TMPRSS7: variants seen among roughly 807,000 people sequenced by gnomAD.
TMPRSS7 encodes transmembrane protease serine 7.
TMPRSS7 carries 81 observed loss-of-function variants against 95.6 expected under a neutral mutation model. The observed-to-expected ratio is 0.85, with a 90% CI of 0.71 to 1.02. The LOEUF is 1.02. Ranked by LOEUF, TMPRSS7 falls within the 50% of genes least tolerant of loss-of-function variation. The pLI is 0.00. For synonymous variants in TMPRSS7, 364 were observed against 337.8 expected (o/e 1.08, Z -0.85); for missense variants, 945 against 955.2 (o/e 0.99, Z 0.14).
At chr3:112,076,997 T>C (rs766215451) in exon 16 of TMPRSS7, 1 of 1,614,210 alleles carries the variant, frequency 6.2e-7, no homozygotes, top group African/African-American at 1.3e-5. Context: ...GACTTTTGAT[T>C]ATGATATTGC....
intron 7 of TMPRSS7, among the ~76,000 whole-genome samples, chr3:112,049,335 T>C (rs1576102938): frequency 6.6e-6 from 1 of 152,226 alleles, no homozygotes; most frequent in East Asian, 1.9e-4. Flanking sequence ...CTCATTTTTG[T>C]GTTTCATTCC....
chr3:112,068,794 C>T lies in TMPRSS7; in HGVS notation c.1666+2292C>T, dbSNP rs146427385. Among the ~76,000 whole-genome samples the T allele has an allele frequency of 2.0e-3, 307 of 152,284 alleles. 11 individuals are homozygous for T. The East Asian group carries it at 0.047, about 23-fold the overall frequency. ...TAGGGGCAATTTGACTTCCTCTTTT[C>T]CTAATCGAATACCCTTTACTTCTTT... is the stretch of plus-strand genomic sequence containing the variant. On this transcript the variant is annotated intron_variant, in intron 13 of 17. Coordinates refer to ENST00000452346, the Ensembl canonical transcript of TMPRSS7.
chr3:112,077,119 T>C, exon 16 of TMPRSS7: 2 of 1,614,128 alleles, frequency 1.2e-6, no homozygotes, highest in Non-Finnish European at 1.7e-6. Context: ...GCTGGGTAAC[T>C]GGCTGGGGGC....
At chr3:112,062,568 C>T (rs1362642826) in intron 11 of TMPRSS7, among the ~76,000 whole-genome samples, 3 of 152,196 alleles carry the variant, frequency 2.0e-5, no homozygotes, top group Admixed American at 1.3e-4. Context: ...AGGGATATGA[C>T]TTGAGAGAAC....
At chr3:112,074,833 C>T (rs545918390) in intron 14 of TMPRSS7, among the ~76,000 whole-genome samples, 55 of 152,324 alleles carry the variant, frequency 3.6e-4, no homozygotes, top group African/African-American at 1.3e-3. Context: ...CATGTGGCTA[C>T]TACTTGGCCA....
exon 16 of TMPRSS7, chr3:112,076,988 A>G (rs2073718578): frequency 6.8e-6 from 11 of 1,614,026 alleles, no homozygotes; most frequent in Non-Finnish European, 6.8e-6. Context: ...TAACAGTCAG[A>G]CTTTTGATTA....
intron 5 of TMPRSS7, 103 bp from the exon 6 acceptor site, chr3:112,046,871 T>C (rs1010181827): frequency 8.8e-6 from 6 of 683,238 alleles, no homozygotes; most frequent in African/African-American, 5.3e-5. Context: ...CAGATGTGTT[T>C]GATTGCCTTT....
At chr3:112,050,582 G>C (rs1027854848) in intron 8 of TMPRSS7, 89 bp from the exon 9 acceptor site, 3 of 400,938 alleles carry the variant, frequency 7.5e-6, no homozygotes, top group Non-Finnish European at 1.3e-5. Flanking sequence ...TCAAGGAAGT[G>C]TGCCTTAGTA....
At position 112,045,675 on chromosome 3, in the gene TMPRSS7, T is replaced by A. The variant is rs1193684167; in HGVS notation, c.498-75T>A. 3 of 1,411,702 alleles carry A rather than the reference T, an allele frequency of 2.1e-6. No individual in the cohort carries two copies. The African/African-American group carries it at 4.3e-5, about 20-fold the overall frequency. The allele number at this position is 1,411,702 out of a possible 1,614,324, so 87.4% of individuals were successfully genotyped here. ...AAGGATGTGCTCATTGGCCTTACCT[T>A]GAATCCATCATCTGGGTATTTCTTC... On this transcript the variant is annotated intron_variant, in intron 4 of 17. Transcript: ENST00000452346.
At position 112,047,308 on chromosome 3, in the gene TMPRSS7, A is replaced by G. The variant is rs2073291308; in HGVS notation, c.730+296A>G. On this transcript the variant is annotated intron_variant, in intron 6 of 17. Transcript: ENST00000452346. ...TTTATCAAGTGTGCTCTTCCACTGT[A>G]TTTGTAACAAGGACCACCAAGCAGA... 3 of 610,282 alleles carry G rather than the reference A, an allele frequency of 4.9e-6. No homozygotes were observed. In the Admixed American group the frequency reaches 6.4e-5, roughly 13 times the overall value. The allele number at this position is 610,282 out of a possible 1,614,324, so 37.8% of individuals were successfully genotyped here.
At position 112,049,858 on chromosome 3, in the gene TMPRSS7, C is replaced by G. The variant is rs1267229223; in HGVS notation, c.974C>G (p.Thr325Arg). The change falls in exon 8 of 18, where the codon ACA becomes AGA. Residue 325 changes from threonine (T) to arginine (R), a missense_variant. Coordinates refer to ENST00000452346, the Ensembl canonical transcript of TMPRSS7. Reference sequence around the variant, plus strand: ...TCTGCTTTCAGAATTTGTGAACCCACAAGAACATTAATGTCATTTGTTTCT... The same window carrying G: ...TCTGCTTTCAGAATTTGTGAACCCAGAAGAACATTAATGTCATTTGTTTCT... 1.3e-6 allele frequency: 2 copies of G among 1,526,246 alleles called. 1 individual carries two copies. The highest frequency in any genetic ancestry group is 1.8e-6 in the Non-Finnish European group (2 of 1,124,176). 94.5% of individuals were successfully genotyped at this position (1,526,246 alleles called of 1,614,324 possible).
At chr3:112,057,093 A>G in exon 10 of TMPRSS7, 1 of 1,613,512 alleles carries the variant, frequency 6.2e-7, no homozygotes, top group South Asian at 1.1e-5. Flanking sequence ...AGAGTATGAA[A>G]GGCTGTGAGC....
rs759400725 is a variant in TMPRSS7, at chr3:112,045,742, C to T, written c.498-8C>T. 1.6e-5 allele frequency: 25 copies of T among 1,532,486 alleles called. No individual in the cohort carries two copies. In the Middle Eastern group the frequency reaches 1.9e-3, roughly 115 times the overall value. 94.9% of individuals were successfully genotyped at this position (1,532,486 alleles called of 1,614,324 possible). On this transcript the variant is annotated splice_region_variant and splice_polypyrimidine_tract_variant and intron_variant, in intron 4 of 17. Coordinates refer to ENST00000452346, the Ensembl canonical transcript of TMPRSS7. ...AGGTCCCTGATGATCTCTCTTTTTT[C>T]GTTATAGCAGCAACAACAAAGGCGG...
At chr3:112,041,852 G>A (rs544002785) in intron 2 of TMPRSS7, 68 bp from the exon 3 acceptor site, 1 of 1,048,020 alleles carries the variant, frequency 9.5e-7, no homozygotes, top group South Asian at 1.4e-5. Flanking sequence ...TACTGACATA[G>A]CTCAGACAAT....
intron 2 of TMPRSS7, among the ~76,000 whole-genome samples, chr3:112,041,216 C>T (rs772232129): frequency 6.6e-6 from 1 of 152,142 alleles, no homozygotes; most frequent in Non-Finnish European, 1.5e-5. Context: ...AAAAACAAAT[C>T]AAGGACAGGA....
intron 9 of TMPRSS7, among the ~76,000 whole-genome samples, chr3:112,054,688 T>TTTACA (rs2107746944): frequency 6.7e-6 from 1 of 149,536 alleles, no homozygotes; most frequent in Non-Finnish European, 1.5e-5. Flanking sequence ...CATTATAAGA[T>TTTACA]TTACATTAGT....
chr3:112,052,188 G>A (rs1461339609), intron 9 of TMPRSS7, among the ~76,000 whole-genome samples: 2 of 152,158 alleles, frequency 1.3e-5, no homozygotes, highest in African/African-American at 2.4e-5. Flanking sequence ...AGCATAACAA[G>A]TTAGGTGTTT....
chr3:112,058,804 C>T (rs2073465515), intron 10 of TMPRSS7, among the ~76,000 whole-genome samples: 1 of 152,154 alleles, frequency 6.6e-6, no homozygotes, highest in Admixed American at 6.5e-5. Flanking sequence ...AGAATCTGCT[C>T]CCAAGCAATA....
At chr3:112,074,176 C>A in intron 13 of TMPRSS7, 120 bp from the exon 14 acceptor site, 2 of 676,900 alleles carry the variant, frequency 3.0e-6, no homozygotes, top group African/African-American at 1.8e-5. Flanking sequence ...CCCAGAGCAG[C>A]AAATACCAAT....
Sources: allele counts gnomAD v4.1 joint callset (sites outside exome capture counted in the v4.1 genomes callset), GRCh38; gene constraint gnomAD v4.1.1; transcripts MANE v1.5; gene names NCBI Gene and HGNC (gene_info 2026-07-23, HGNC 2026-07-21).